ITPR1: variants seen among roughly 807,000 people sequenced by gnomAD.
ITPR1 encodes inositol 1,4,5-trisphosphate-gated calcium channel ITPR1.
ITPR1 carries 96 observed loss-of-function variants against 318.4 expected under a neutral mutation model. The ratio of observed to expected loss-of-function variants is 0.30; its 90% CI spans 0.26 to 0.36. ITPR1 has a LOEUF of 0.36. Ranked by LOEUF, ITPR1 falls within the 10% of genes least tolerant of loss-of-function variation. ITPR1 has a pLI of 1.00. For synonymous variants in ITPR1, 1,312 were observed against 1,289.9 expected (o/e 1.02, Z -0.37); for missense variants, 2,440 against 3,460.2 (o/e 0.71, Z 7.40).
intron 26 of ITPR1, 61 bp downstream of exon 26, chr3:4,681,479 C>A (rs1325035716): frequency 2.0e-5 from 23 of 1,136,754 alleles, no homozygotes; most frequent in African/African-American, 1.5e-5. Context: ...CTCTCAGAGG[C>A]CTTCCCTTTA....
intron 4 of ITPR1, among the ~76,000 whole-genome samples, chr3:4,531,632 C>T (rs2083423352): frequency 6.6e-6 from 1 of 152,226 alleles, no homozygotes; most frequent in Non-Finnish European, 1.5e-5. Flanking sequence ...AGGTTCTCTG[C>T]TCCATCCAGA....
At chr3:4,757,199 C>T (rs1434079931) in intron 44 of ITPR1, among the ~76,000 whole-genome samples, 1 of 152,050 alleles carries the variant, frequency 6.6e-6, no homozygotes, top group African/African-American at 2.4e-5. Flanking sequence ...TTCATGGTTC[C>T]TGGTCTTTGA....
At chr3:4,523,096 T>G (rs1257112872) in intron 4 of ITPR1, among the ~76,000 whole-genome samples, 1 of 152,212 alleles carries the variant, frequency 6.6e-6, no homozygotes, top group Non-Finnish European at 1.5e-5. Flanking sequence ...ACTTTGTTAT[T>G]CAGGGAAGAG....
chr3:4,612,305 G>C (rs1237203316), intron 4 of ITPR1, among the ~76,000 whole-genome samples: 2 of 151,710 alleles, frequency 1.3e-5, no homozygotes, highest in Admixed American at 1.3e-4. Context: ...CAGGTGATCC[G>C]CCTGCCTCGG....
intron 4 of ITPR1, among the ~76,000 whole-genome samples, chr3:4,611,046 C>CCTCA (rs1445953252): frequency 9.7e-6 from 1 of 102,712 alleles, no homozygotes; most frequent in African/African-American, 3.9e-5. Flanking sequence ...TCCCTCCCTC[C>CCTCA]CTCCCTCCCT....
chr3:4,763,624 T>C (rs746338962), intron 44 of ITPR1, among the ~76,000 whole-genome samples: 1 of 152,266 alleles, frequency 6.6e-6, no homozygotes, highest in Non-Finnish European at 1.5e-5. Flanking sequence ...ATTATTTTAT[T>C]GAGCACATTC....
At chr3:4,700,556 G>A (rs571929805) in intron 35 of ITPR1, among the ~76,000 whole-genome samples, 245 of 152,328 alleles carry the variant, frequency 1.6e-3, no homozygotes, top group African/African-American at 5.5e-3. Flanking sequence ...AGGATGGGAT[G>A]TAAAAGAGGC....
intron 60 of ITPR1, among the ~76,000 whole-genome samples, chr3:4,835,757 A>C (rs761794180): frequency 5.9e-5 from 9 of 152,204 alleles, no homozygotes; most frequent in Non-Finnish European, 1.0e-4. Flanking sequence ...TGTATGCGGC[A>C]TGCTCTTTGG....
At chr3:4,796,732 A>G (rs2047922916) in intron 53 of ITPR1, among the ~76,000 whole-genome samples, 1 of 152,132 alleles carries the variant, frequency 6.6e-6, no homozygotes, top group Non-Finnish European at 1.5e-5. Flanking sequence ...TAGACTTAGG[A>G]AGTCCAGAGA....
At chr3:4,512,544 C>T (rs1348148549) in intron 2 of ITPR1, among the ~76,000 whole-genome samples, 2 of 152,082 alleles carry the variant, frequency 1.3e-5, no homozygotes, top group African/African-American at 4.8e-5. Flanking sequence ...TAAAATCTGT[C>T]ATCATGGGTC....
chr3:4,582,592 C>A (rs1182224192), intron 4 of ITPR1, among the ~76,000 whole-genome samples: 3 of 152,178 alleles, frequency 2.0e-5, no homozygotes, highest in African/African-American at 7.2e-5. Context: ...GAGTGGTTGA[C>A]CATGTTGCAT....
At chr3:4,745,123 C>T (rs2044007975) in intron 44 of ITPR1, among the ~76,000 whole-genome samples, 1 of 148,294 alleles carries the variant, frequency 6.7e-6, no homozygotes, top group South Asian at 2.2e-4. Flanking sequence ...TCCCTCCTTC[C>T]CTCCCTCCCT....
intron 4 of ITPR1, among the ~76,000 whole-genome samples, chr3:4,607,004 C>T (rs1396554882): frequency 1.3e-5 from 2 of 152,138 alleles, no homozygotes; most frequent in Admixed American, 6.5e-5. Flanking sequence ...GCAGGGGCCA[C>T]GTGAGAAGTC....
intron 4 of ITPR1, among the ~76,000 whole-genome samples, chr3:4,621,206 C>T (rs186456160): frequency 6.6e-6 from 1 of 152,282 alleles, no homozygotes; most frequent in East Asian, 1.9e-4. Context: ...CTTACAATTT[C>T]ACAAGCTTTA....
chr3:4,608,874 C>G (rs555019610), intron 4 of ITPR1, among the ~76,000 whole-genome samples: 4 of 150,960 alleles, frequency 2.6e-5, no homozygotes, highest in Non-Finnish European at 1.5e-5. Context: ...TGGTGGCACA[C>G]GCCGGTAATC....
At chr3:4,585,041 G>A (rs1226835937) in intron 4 of ITPR1, among the ~76,000 whole-genome samples, 1 of 152,198 alleles carries the variant, frequency 6.6e-6, no homozygotes, top group Non-Finnish European at 1.5e-5. Context: ...AGTGAGAGCT[G>A]GTGAGACCCA....
intron 8 of ITPR1, 141 bp downstream of exon 8, chr3:4,644,375 C>G: frequency 1.6e-6 from 1 of 617,478 alleles, no homozygotes; most frequent in Non-Finnish European, 3.0e-6. Flanking sequence ...GAAACAGGCC[C>G]AGGGTCAAGG....
intron 4 of ITPR1, among the ~76,000 whole-genome samples, chr3:4,581,871 C>T (rs2089378634): frequency 6.6e-6 from 1 of 151,622 alleles, no homozygotes; most frequent in African/African-American, 2.4e-5. Context: ...TTTAGACAGG[C>T]TTTTTTCTTT....
chr3:4,544,826 C>G (rs1204229626), intron 4 of ITPR1, among the ~76,000 whole-genome samples: 2 of 152,226 alleles, frequency 1.3e-5, no homozygotes, highest in Non-Finnish European at 2.9e-5. Flanking sequence ...CAGGGTCTTA[C>G]TCTGTTGCCC....
Sources: allele counts gnomAD v4.1 joint callset (sites outside exome capture counted in the v4.1 genomes callset), GRCh38; gene constraint gnomAD v4.1.1; transcripts MANE v1.5; gene names NCBI Gene and HGNC (gene_info 2026-07-23, HGNC 2026-07-21).